The following GLRB variants were observed in gnomAD, a reference collection of about 807,000 sequenced individuals.
GLRB encodes glycine receptor beta.
GLRB carries 33 observed loss-of-function variants against 54.2 expected under a neutral mutation model. The ratio of observed to expected loss-of-function variants is 0.61; its 90% CI spans 0.46 to 0.81. The LOEUF (loss-of-function observed/expected upper bound fraction) is 0.81. Among genes scored for constraint, GLRB ranks in the 40% least tolerant of loss-of-function variants. GLRB has a pLI of 0.00. For missense variants in GLRB, 572 were observed against 584.6 expected, an observed-to-expected ratio of 0.98 and a Z score of 0.22; for synonymous variants, 209 against 208.2, an observed-to-expected ratio of 1.00 and a Z score of -0.03.
chr4:157,147,856 A>G (rs1399227765), intron 8 of GLRB, among the ~76,000 whole-genome samples: 2 of 152,216 alleles, frequency 1.3e-5, no homozygotes, highest in African/African-American at 4.8e-5. Flanking sequence ...TGTGGGCCAT[A>G]TGCTTTCTGT....
In GLRB at chr4:157,153,026, T is replaced by C. The variant is rs772249937; in HGVS notation, c.1197+16T>C. 6.2e-7 allele frequency: 1 copy of C among 1,601,676 alleles called. No individual in the cohort carries two copies. The highest frequency in any genetic ancestry group is 2.2e-5 in the East Asian group (1 of 44,792). On this transcript the variant is annotated intron_variant, in intron 9 of 9. Coordinates refer to ENST00000264428, the MANE Select transcript of GLRB (RefSeq NM_000824.5). ...CACTTTGCAGGTAAGGATAAAATTA[T>C]GCCATGAAATCATTTCCCCCAACCA...
chr4:157,145,590 A>G (rs1736777026), intron 8 of GLRB, among the ~76,000 whole-genome samples: 2 of 152,164 alleles, frequency 1.3e-5, no homozygotes. Flanking sequence ...GGATGTTGTT[A>G]ACAAAATAAA....
Position 157,077,787 on chromosome 4 carries a change from T to G in GLRB, c.-29-209T>G, listed in dbSNP as rs573785216. Among the ~76,000 whole-genome samples, 3 of 151,336 alleles carry G rather than the reference T, an allele frequency of 2.0e-5. No homozygotes were observed. In the East Asian group the frequency reaches 5.8e-4, roughly 29 times the overall value. On this transcript the variant is annotated intron_variant, in intron 1 of 9. Transcript: ENST00000264428. ...TCTATGTGCCATTATTTAAACTGAC[T>G]TTTACTGCTATATAAAAAAGACTTT...
At chr4:157,078,650 A>G (rs998863170) in intron 2 of GLRB, among the ~76,000 whole-genome samples, 1 of 152,154 alleles carries the variant, frequency 6.6e-6, no homozygotes, top group Non-Finnish European at 1.5e-5. Flanking sequence ...GTAATTGTAA[A>G]TAGGTTATAT....
chr4:157,098,814 G>T (rs975438428), intron 2 of GLRB, among the ~76,000 whole-genome samples: 1 of 152,046 alleles, frequency 6.6e-6, no homozygotes, highest in Non-Finnish European at 1.5e-5. Flanking sequence ...CACCATGTTG[G>T]CCAGACTGGC....
chr4:157,136,719 T>A (rs769787615), intron 5 of GLRB, 21 bp downstream of exon 5: 5 of 1,527,402 alleles, frequency 3.3e-6, no homozygotes, highest in Non-Finnish European at 3.6e-6. Flanking sequence ...ATATTTCATA[T>A]TTGTGCATTT....
chr4:157,143,969 T>C lies in GLRB; in HGVS notation c.904+10T>C. 1 of 1,613,134 alleles carries C rather than the reference T, an allele frequency of 6.2e-7. No individual in the cohort carries two copies. Among genetic ancestry groups the C allele is most frequent in the Non-Finnish European group, 8.5e-7 (1 of 1,179,300 alleles). ...GCCAGAGTGCCCCTGGGTAAGGTGT[T>C]CCATGCTTTTTTGTCACATCAGGAA... On this transcript the variant is annotated intron_variant, in intron 8 of 9. Transcript: ENST00000264428.
chr4:157,120,514 G>A (rs369765549), intron 2 of GLRB, 42 bp from the exon 3 acceptor site: 2 of 1,030,080 alleles, frequency 1.9e-6, no homozygotes, highest in Non-Finnish European at 3.0e-6. Context: ...TCTGTTGTTT[G>A]CTATTTATAA....
rs192195590 is a variant in GLRB at position 157,126,195 on chromosome 4, A to G, written c.297+3798A>G. Among the ~76,000 whole-genome samples the G allele has an allele frequency of 1.5e-3, 226 of 151,986 alleles. 1 individual carries two copies. Among genetic ancestry groups the G allele is most frequent in the South Asian group, 8.1e-3 (39 of 4,830 alleles). ...TGTTATTGTCAGGAAATTTTAACCA[A>G]TTCTATTTGGAAAAAATTTGTTTTT... is the stretch of plus-strand genomic sequence containing the variant. On this transcript the variant is annotated intron_variant, in intron 4 of 9. Coordinates refer to ENST00000264428, the MANE Select transcript of GLRB (RefSeq NM_000824.5).
At chr4:157,100,166 C>T (rs1456936870) in intron 2 of GLRB, among the ~76,000 whole-genome samples, 1 of 151,862 alleles carries the variant, frequency 6.6e-6, no homozygotes, top group Admixed American at 6.6e-5. Context: ...ATTTTTAATT[C>T]TTTTGTCTCA....
chr4:157,134,959 A>T, intron 4 of GLRB, among the ~76,000 whole-genome samples: 1 of 152,178 alleles, frequency 6.6e-6, no homozygotes, highest in East Asian at 1.9e-4. Context: ...ATATGAAAGC[A>T]TCAGGAGAGC....
chr4:157,078,222 A>G, intron 2 of GLRB, 76 bp downstream of exon 2: 4 of 1,594,968 alleles, frequency 2.5e-6, no homozygotes, highest in Non-Finnish European at 3.4e-6. Context: ...TGGTTTATGA[A>G]GACACACATC....
At chr4:157,153,136 GA>G (rs1308897201) in intron 9 of GLRB, 126 bp downstream of exon 9, 4 of 857,796 alleles carry the variant, frequency 4.7e-6, no homozygotes, top group Non-Finnish European at 3.8e-6. Context: ...TCTCACAGAT[GA>G]AAACAAACTG....
Position 157,170,575 on chromosome 4 carries a change from A to G in GLRB, c.1341A>G (p.Gly447=), listed in dbSNP as rs1247173023. The change falls in exon 10 of 10, where the codon GGA becomes GGG. Residue 447 remains glycine, a synonymous_variant. Coordinates refer to ENST00000264428, the MANE Select transcript of GLRB (RefSeq NM_000824.5). The part of the protein sequence containing the change: ...CYGKPIEVNN[G]LGKSQAKNNK... The stretch of plus-strand genomic sequence containing the variant: ...GAAAACCCATTGAAGTTAACAACGG[A>G]CTTGGGAAATCTCAGGCTAAGAACA... 2 of 1,613,454 alleles carry G rather than the reference A, an allele frequency of 1.2e-6. No individual in the cohort carries two copies. The highest frequency in any genetic ancestry group is 2.7e-5 in the African/African-American group (2 of 74,896).
chr4:157,138,206 A>G (rs11100098), intron 6 of GLRB, among the ~76,000 whole-genome samples: 64,018 of 151,890 alleles, frequency 0.42, 15,894 homozygotes, highest in African/African-American at 0.7. Flanking sequence ...TGAGTAGCTG[A>G]GATCACATGC....
intron 8 of GLRB, among the ~76,000 whole-genome samples, chr4:157,145,631 A>G (rs572483098): frequency 6.6e-6 from 1 of 152,308 alleles, no homozygotes; most frequent in East Asian, 1.9e-4. Flanking sequence ...AAATGCATTA[A>G]AACACTTCTT....
chr4:157,104,758 C>G (rs1214997317), intron 2 of GLRB, among the ~76,000 whole-genome samples: 1 of 151,858 alleles, frequency 6.6e-6, no homozygotes, highest in African/African-American at 2.4e-5. Context: ...TTCAGCTTTT[C>G]TGTTTCTTTA....
chr4:157,163,533 G>A (rs1309239087), intron 9 of GLRB, among the ~76,000 whole-genome samples: 2 of 152,260 alleles, frequency 1.3e-5, no homozygotes, highest in East Asian at 3.9e-4. Flanking sequence ...TTGGGGTGGG[G>A]TGGGAGCACA....
rs41280503 is a variant in GLRB at position 157,122,483 on chromosome 4, C to T, written c.297+86C>T. The T allele has an allele frequency of 0.035, 19,719 of 558,338 alleles. 410 individuals are homozygous for T. The highest frequency in any genetic ancestry group is 0.06 in the African/African-American group (3,073 of 51,638). The allele number at this position is 558,338 out of a possible 1,614,324, so 34.6% of individuals were successfully genotyped here. A position where few individuals can be genotyped will look rare whatever the true frequency, so the allele number is the denominator to read the frequency against. Reference sequence around the variant, plus strand: ...AACATTAAAATTGAACAATAAGGAGCAACTCAAATAATCCATGCCCTTTCC... The same window carrying T: ...AACATTAAAATTGAACAATAAGGAGTAACTCAAATAATCCATGCCCTTTCC... On this transcript the variant is annotated intron_variant, in intron 4 of 9. Coordinates refer to ENST00000264428, the MANE Select transcript of GLRB (RefSeq NM_000824.5).
Sources: allele counts gnomAD v4.1 joint callset (sites outside exome capture counted in the v4.1 genomes callset), GRCh38; gene constraint gnomAD v4.1.1; transcripts MANE v1.5; gene names NCBI Gene and HGNC (gene_info 2026-07-23, HGNC 2026-07-21).